Variants in CINP observed in about 807,000 individuals in gnomAD.
The protein encoded by CINP is cyclin dependent kinase 2 interacting protein.
In CINP, 11 loss-of-function variants were observed where a neutral mutation model predicts 20.5. The ratio of observed to expected loss-of-function variants is 0.54; its 90% confidence interval spans 0.34 to 0.89. The LOEUF is 0.89. CINP is among the 40% of genes least tolerant of loss of function. The pLI, the probability that CINP is intolerant of heterozygous loss-of-function variation, is 0.02. For missense variants in CINP, 213 were observed against 251.0 expected, an observed-to-expected ratio of 0.85 and a Z score of 1.02; for synonymous variants, 108 against 102.1, an observed-to-expected ratio of 1.06 and a Z score of -0.35.
rs371734524 is a variant in CINP at position 102,350,036 on chromosome 14, C to A, written c.319G>T (p.Val107Leu). The A allele has an allele frequency of 5.6e-6, 9 of 1,612,412 alleles. 1 individual carries two copies. Among genetic ancestry groups the A allele is most frequent in the Non-Finnish European group, 6.8e-6 (8 of 1,178,976 alleles). Reference sequence around the variant, plus strand: ...GTTGAAGACAGCTTTTCCATTTTCACCTGTATTTTGGTCTGAAAGATATCC... The same window carrying A: ...GTTGAAGACAGCTTTTCCATTTTCAACTGTATTTTGGTCTGAAAGATATCC... Reference protein sequence around the residue: ...ATLDGLTKIQVKMEKLSSTTK... With the variant: ...ATLDGLTKIQLKMEKLSSTTK... Residue 107 changes from valine to leucine, a missense_variant, in exon 4 of 5, where the codon GTG (valine) becomes TTG (leucine). Physicochemically the swap from Val to Leu is conservative, Grantham distance 32. Transcript: ENST00000216756.
chr14:102,355,665 G>T, intron 3 of CINP, 103 bp downstream of exon 3: 2 of 1,295,204 alleles, frequency 1.5e-6, no homozygotes, highest in South Asian at 1.3e-5. Flanking sequence ...CATCAGAGGA[G>T]ACTGAGAAGG....
chr14:102,361,572 C>T (rs1232554259), intron 1 of CINP, among the ~76,000 whole-genome samples: 3 of 152,204 alleles, frequency 2.0e-5, no homozygotes, highest in African/African-American at 7.2e-5. Context: ...ACCCGGGAGG[C>T]GGAACTTGCA....
intron 3 of CINP, 24 bp downstream of exon 3, chr14:102,355,744 G>A: frequency 1.2e-6 from 2 of 1,612,556 alleles, no homozygotes; most frequent in Non-Finnish European, 8.5e-7. Context: ...GTGACCACAA[G>A]TGGCCTGCGT....
chr14:102,355,526 A>G (rs535027581), intron 3 of CINP: 67 of 397,106 alleles, frequency 1.7e-4, no homozygotes, highest in Non-Finnish European at 2.5e-4. Flanking sequence ...TGGAAAAAAA[A>G]AAAAAATTTA....
chr14:102,349,857 G>T, intron 4 of CINP, 62 bp downstream of exon 4: 2 of 1,579,242 alleles, frequency 1.3e-6, no homozygotes, highest in South Asian at 1.1e-5. Flanking sequence ...AGATGTAAAC[G>T]ATACTAAATG....
chr14:102,362,825 A>G lies in CINP; in HGVS notation c.7+20T>C. The G allele has an allele frequency of 6.2e-7, 1 of 1,614,048 alleles. No homozygotes were observed. Among genetic ancestry groups the G allele is most frequent in the South Asian group, 1.1e-5 (1 of 91,076 alleles). ...CATTCACAGCCACCCCACCCCGGGA[A>G]AGGAACCGATCTCACGCACCTTCCA... On this transcript the variant is annotated intron_variant, in intron 1 of 4. Transcript: ENST00000216756.
chr14:102,348,868 G>A, intron 4 of CINP, 109 bp from the exon 5 acceptor site: 1 of 956,416 alleles, frequency 1.0e-6, no homozygotes, highest in Non-Finnish European at 1.6e-6. Flanking sequence ...ATCAGCAACA[G>A]CACTGAGGGG....
intron 1 of CINP, among the ~76,000 whole-genome samples, chr14:102,360,663 T>A (rs1887119827): frequency 6.6e-6 from 1 of 152,214 alleles, no homozygotes; most frequent in African/African-American, 2.4e-5. Context: ...AGATAATATA[T>A]GTGAAGCTGT....
Position 102,351,372 on chromosome 14 carries a change from G to C in CINP, c.307-1324C>G, listed in dbSNP as rs1886869804. 6.6e-6 allele frequency among the ~76,000 whole-genome samples: 1 copy of C among 152,116 alleles called. No homozygotes were observed. Among genetic ancestry groups the C allele is most frequent in the Non-Finnish European group, 1.5e-5 (1 of 68,026 alleles). ...CACACACCAGGCAGCACAGAATAGG[G>C]GCAATGGCGGGCTTACTTTCACAGC... On this transcript the variant is annotated intron_variant, in intron 3 of 4. Coordinates refer to ENST00000216756, the MANE Select transcript of CINP (RefSeq NM_032630.3). The surrounding 1 kb of genome is among the most constrained non-coding windows in gnomAD (Gnocchi z 4.2).
intron 2 of CINP, among the ~76,000 whole-genome samples, chr14:102,358,511 T>G (rs1406149683): frequency 6.6e-6 from 1 of 152,048 alleles, no homozygotes; most frequent in Non-Finnish European, 1.5e-5. Context: ...TGAAACTCTG[T>G]CTCTACTAAA....
intron 1 of CINP, among the ~76,000 whole-genome samples, chr14:102,361,351 G>C (rs1169970418): frequency 1.3e-5 from 2 of 152,198 alleles, no homozygotes; most frequent in Admixed American, 6.5e-5. Flanking sequence ...GCCAAGATAA[G>C]AAGTTGGACC....
chr14:102,357,216 C>A (rs1209994803), intron 2 of CINP, among the ~76,000 whole-genome samples: 2 of 152,010 alleles, frequency 1.3e-5, no homozygotes, highest in East Asian at 3.9e-4. Context: ...TCCGTCTCTA[C>A]TAAAATACAA....
chr14:102,362,423 CA>C, intron 1 of CINP: 1 of 655,392 alleles, frequency 1.5e-6, no homozygotes, highest in Middle Eastern at 2.5e-4. Flanking sequence ...CAGTACTCAG[CA>C]AACTGAGCAC....
At chr14:102,353,218 T>C (rs772227026) in intron 3 of CINP, among the ~76,000 whole-genome samples, 2 of 151,962 alleles carry the variant, frequency 1.3e-5, no homozygotes, top group Non-Finnish European at 2.9e-5. Context: ...ATGTAGATAC[T>C]GCACCCTCAA....
chr14:102,361,960 A>T (rs1433258193), intron 1 of CINP, among the ~76,000 whole-genome samples: 3 of 152,156 alleles, frequency 2.0e-5, no homozygotes. Flanking sequence ...AGTGGAGTGT[A>T]TTTGCTTGTT....
At chr14:102,349,838 TA>T in intron 4 of CINP, 80 bp downstream of exon 4, 2 of 1,508,554 alleles carry the variant, frequency 1.3e-6, no homozygotes, top group Non-Finnish European at 1.8e-6. Flanking sequence ...GTCAGCTTCT[TA>T]AAGTACCAGA....
chr14:102,349,437 A>G (rs1597745814), intron 4 of CINP, among the ~76,000 whole-genome samples: 1 of 152,178 alleles, frequency 6.6e-6, no homozygotes, highest in Non-Finnish European at 1.5e-5. Flanking sequence ...TCTTGAACTA[A>G]TAAAAGCTAA....
At chr14:102,355,218 T>G (rs1886969870) in intron 3 of CINP, among the ~76,000 whole-genome samples, 1 of 151,942 alleles carries the variant, frequency 6.6e-6, no homozygotes, top group Non-Finnish European at 1.5e-5. Context: ...CCTGGAAGCC[T>G]AAAATATTTA....
In CINP at chr14:102,348,691, C is replaced by T. The variant is rs1886800759; in HGVS notation, c.505G>A (p.Glu169Lys). The T allele has an allele frequency of 3.7e-6, 6 of 1,613,852 alleles. No homozygotes were observed. The highest frequency in any genetic ancestry group is 1.7e-5 in the Admixed American group (1 of 59,984). The part of the protein sequence containing the change: ...ELLLKRTVAK[E>K]LAHTGDPDLT... ...TCGGGATCCCCGGTGTGGGCAAGCT[C>T]CTTGGCCACCGTGCGCTTCAGGAGC... The change falls in exon 5 of 5, where the codon GAG (glutamate) becomes AAG (lysine). Residue 169 changes from glutamate to lysine, a missense_variant. Coordinates refer to ENST00000216756, the MANE Select transcript of CINP (RefSeq NM_032630.3).
Sources: gnomAD v4.1 joint callset for allele counts (sites outside exome capture counted in the v4.1 genomes callset) on GRCh38, gnomAD v4.1.1 for gene constraint, Gnocchi (gnomAD v3.1) non-coding constraint, MANE v1.5 for transcripts, NCBI Gene and HGNC (gene_info 2026-07-23, HGNC 2026-07-21) for gene names.